SNX24: variants seen among roughly 807,000 people sequenced by gnomAD.
SNX24 encodes the protein sorting nexin 24, also known as sorting nexin-24.
A neutral mutation model predicts 28.7 loss-of-function variants in SNX24; 22 were observed. The ratio of observed to expected loss-of-function variants is 0.77; its 90% CI spans 0.55 to 1.10. The LOEUF (loss-of-function observed/expected upper bound fraction) is 1.10. Ranked by LOEUF, SNX24 falls within the 50% of genes least tolerant of loss-of-function variation. The pLI is 0.00. For missense variants in SNX24, 221 were observed against 201.1 expected, an observed-to-expected ratio of 1.10 and a Z score of -0.60; for synonymous variants, 69 against 71.5, an observed-to-expected ratio of 0.96 and a Z score of 0.18.
rs762091479 is a variant in SNX24, at chr5:123,001,941, A to G, written c.379A>G (p.Lys127Glu). Residue 127 changes from lysine (K) to glutamate (E), a missense_variant and splice_region_variant, in exon 6 of 7, where the codon AAA becomes GAA. Coordinates refer to ENST00000261369, the MANE Select transcript of SNX24 (RefSeq NM_014035.4). ...CATGCCTGTTCTTGACCTTTCCAGC[A>G]AACTGTCCCACCAGCCTGTGCTGCT... ...FDETESEESS[K>E]LSHQPVLLFL... 2 of 1,614,124 alleles carry G rather than the reference A, an allele frequency of 1.2e-6. No individual in the cohort carries two copies. Among genetic ancestry groups the G allele is most frequent in the Non-Finnish European group, 1.7e-6 (2 of 1,179,972 alleles).
intron 3 of SNX24, among the ~76,000 whole-genome samples, chr5:122,983,332 C>G (rs1344030987): frequency 6.6e-6 from 1 of 151,912 alleles, no homozygotes; most frequent in East Asian, 1.9e-4. Flanking sequence ...CTAAAAGGCA[C>G]CTTATAATTT....
Position 122,881,171 on chromosome 5 carries a change from T to A in SNX24, c.60+35478T>A, listed in dbSNP as rs115025618. 2.4e-3 allele frequency among the ~76,000 whole-genome samples: 365 copies of A among 152,234 alleles called. 2 individuals are homozygous for A. The highest frequency in any genetic ancestry group is 7.1e-3 in the African/African-American group (296 of 41,524). ...GTGTGCAGAAAAATTGGAGAATCAT[T>A]TAATTTCATTAAAAATTTGTTATAG... On this transcript the variant is annotated intron_variant, in intron 1 of 6. Coordinates refer to ENST00000261369, the MANE Select transcript of SNX24 (RefSeq NM_014035.4).
Position 123,008,311 on chromosome 5 carries a change from T to G in SNX24, c.*562T>G. ...TATACTGACAATATTATGGCATTTT[T>G]AAGATCATGGCATTTTAATTTACAT... On this transcript the variant is annotated 3_prime_UTR_variant, in exon 7 of 7. Transcript: ENST00000261369. 1 of 983,708 alleles carries G rather than the reference T, an allele frequency of 1.0e-6. No individual in the cohort carries two copies. Among genetic ancestry groups the G allele is most frequent in the South Asian group, 4.7e-5 (1 of 21,260 alleles). 60.9% of individuals were successfully genotyped at this position (983,708 alleles called of 1,614,324 possible). A position where few individuals can be genotyped will look rare whatever the true frequency, so the allele number is the denominator to read the frequency against.
At chr5:122,880,544 TCTAA>T (rs1326674716) in intron 1 of SNX24, among the ~76,000 whole-genome samples, 2 of 152,172 alleles carry the variant, frequency 1.3e-5, no homozygotes, top group African/African-American at 2.4e-5. Flanking sequence ...GCTCAACCCT[TCTAA>T]CTGAGTGCAA....
intron 6 of SNX24, among the ~76,000 whole-genome samples, chr5:123,004,476 A>G (rs1054537402): frequency 1.3e-5 from 2 of 152,164 alleles, no homozygotes; most frequent in African/African-American, 4.8e-5. Flanking sequence ...ACTCTCTAGC[A>G]GCTGACCAGA....
chr5:122,965,734 A>G (rs1239571605), intron 3 of SNX24, among the ~76,000 whole-genome samples: 1 of 152,232 alleles, frequency 6.6e-6, no homozygotes, highest in Non-Finnish European at 1.5e-5. Flanking sequence ...AAATCTAATC[A>G]AGGAGACAAT....
At chr5:122,949,862 C>A (rs562406946) in intron 3 of SNX24, among the ~76,000 whole-genome samples, 1 of 152,202 alleles carries the variant, frequency 6.6e-6, no homozygotes, top group South Asian at 2.1e-4. Flanking sequence ...ATCTTAGAAT[C>A]AAAATCTATA....
intron 3 of SNX24, among the ~76,000 whole-genome samples, chr5:122,993,306 T>C (rs1761931003): frequency 6.7e-6 from 1 of 149,978 alleles, no homozygotes. Context: ...CCTTTTTTTT[T>C]TTTTTTTTTT....
chr5:122,861,030 T>C (rs901881210), intron 1 of SNX24, among the ~76,000 whole-genome samples: 26 of 152,014 alleles, frequency 1.7e-4, no homozygotes, highest in Admixed American at 7.2e-4. Context: ...CCCAATCTAA[T>C]AAATAAATGG....
chr5:122,957,316 C>T (rs570461179), intron 3 of SNX24, among the ~76,000 whole-genome samples: 10 of 152,230 alleles, frequency 6.6e-5, no homozygotes, highest in East Asian at 3.9e-4. Flanking sequence ...CTCAAAAAAC[C>T]GTTGGACCAT....
chr5:123,018,934 C>T (rs111746758), intron 5 of SNX24, among the ~76,000 whole-genome samples: 1,725 of 152,296 alleles, frequency 0.011, 14 homozygotes, highest in East Asian at 0.06. Context: ...ATCCGCCCGC[C>T]TCGGCCTCCC....
intron 2 of SNX24, among the ~76,000 whole-genome samples, chr5:122,941,931 T>C (rs1331614295): frequency 6.6e-6 from 1 of 152,202 alleles, no homozygotes; most frequent in Admixed American, 6.5e-5. Flanking sequence ...AGCCTTGTTA[T>C]GGCCCAGGCA....
intron 1 of SNX24, among the ~76,000 whole-genome samples, chr5:122,923,567 A>G (rs1247814090): frequency 6.6e-6 from 1 of 152,186 alleles, no homozygotes; most frequent in Non-Finnish European, 1.5e-5. Context: ...AGTAGACTTT[A>G]CGAAATGGCC....
intron 1 of SNX24, among the ~76,000 whole-genome samples, chr5:122,863,475 G>A (rs899073899): frequency 2.0e-5 from 3 of 151,860 alleles, no homozygotes; most frequent in Non-Finnish European, 4.4e-5. Flanking sequence ...TGGGGTGGGA[G>A]GGCAGAGCAT....
intron 1 of SNX24, among the ~76,000 whole-genome samples, chr5:122,910,860 G>T (rs1324885600): frequency 6.6e-6 from 1 of 151,948 alleles, no homozygotes; most frequent in African/African-American, 2.4e-5. Context: ...TCTTAATCCA[G>T]TGTATCGTTG....
At chr5:123,010,292 CT>C (rs111250838), downstream of SNX24, among the ~76,000 whole-genome samples, 2,209 of 146,042 alleles carry the variant, frequency 0.015, 31 homozygotes, top group African/African-American at 0.043. Context: ...GATGATGGAA[CT>C]TTTTTTTTTT....
intron 1 of SNX24, among the ~76,000 whole-genome samples, chr5:122,873,042 C>T (rs1384062225): frequency 6.6e-6 from 1 of 152,176 alleles, no homozygotes; most frequent in East Asian, 1.9e-4. Flanking sequence ...TCATAGCTCA[C>T]TGCAACCTCG....
In SNX24 at chr5:122,941,903, A is replaced by G. The variant is rs960368996; in HGVS notation, c.145-4152A>G. On this transcript the variant is annotated intron_variant, in intron 2 of 6. Transcript: ENST00000261369. ...AGAACACCATGACCGCACCAAAACG[A>G]AAACAAAACCCCATGCTAGCCTTGT... Among the ~76,000 whole-genome samples, 6 of 152,144 alleles carry G rather than the reference A, an allele frequency of 3.9e-5. No individual in the cohort carries two copies. The South Asian group carries it at 6.2e-4, about 16-fold the overall frequency.
At chr5:122,858,002 C>T (rs1212132495) in intron 1 of SNX24, among the ~76,000 whole-genome samples, 3 of 152,086 alleles carry the variant, frequency 2.0e-5, no homozygotes, top group East Asian at 1.9e-4. Context: ...AGGCTGGTCT[C>T]GAACTCCTGA....
Sources: gnomAD v4.1 joint callset for allele counts (sites outside exome capture counted in the v4.1 genomes callset) on GRCh38, gnomAD v4.1.1 for gene constraint, MANE v1.5 for transcripts, NCBI Gene and HGNC (gene_info 2026-07-23, HGNC 2026-07-21) for gene names.